Variants in LPP observed in about 807,000 individuals in gnomAD.
LPP encodes LIM domain containing preferred translocation partner in lipoma.
A neutral mutation model predicts 60.4 loss-of-function variants in LPP; 38 were observed. That is an observed-to-expected ratio of 0.63 (90% CI 0.49 to 0.83). The LOEUF (loss-of-function observed/expected upper bound fraction) is 0.83, where lower values mean the gene tolerates loss of function less well. Among genes scored for constraint, LPP ranks in the 40% least tolerant of loss-of-function variants. LPP has a pLI of 0.00. For missense variants in LPP, 902 were observed against 783.6 expected (o/e 1.15, Z -1.80); for synonymous variants, 328 against 290.8 (o/e 1.13, Z -1.30).
intron 2 of LPP, among the ~76,000 whole-genome samples, chr3:188,286,879 A>G (rs996277197): frequency 1.9e-4 from 29 of 152,084 alleles, no homozygotes; most frequent in African/African-American, 7.0e-4. Flanking sequence ...GCACAGGTTT[A>G]TTTTTATTTT....
At chr3:188,289,265 C>T (rs537403587) in intron 2 of LPP, among the ~76,000 whole-genome samples, 239 of 152,242 alleles carry the variant, frequency 1.6e-3, no homozygotes, top group Non-Finnish European at 2.7e-3. Context: ...CTAGCTCAGA[C>T]GTGGCTATGA....
At chr3:188,354,777 G>A (rs1487809627) in intron 3 of LPP, among the ~76,000 whole-genome samples, 1 of 151,936 alleles carries the variant, frequency 6.6e-6, no homozygotes, top group Non-Finnish European at 1.5e-5. Context: ...AGTGAATAAC[G>A]TCCCTGGGAA....
chr3:188,636,389 C>T (rs1293678173), intron 7 of LPP, among the ~76,000 whole-genome samples: 9 of 152,332 alleles, frequency 5.9e-5, no homozygotes, highest in Non-Finnish European at 1.2e-4. Flanking sequence ...TATCCCGCAC[C>T]TTGCTCGGAG....
intron 1 of LPP, among the ~76,000 whole-genome samples, chr3:188,158,389 G>A (rs531557903): frequency 2.0e-5 from 3 of 152,292 alleles, no homozygotes; most frequent in African/African-American, 7.2e-5. Context: ...CTGAGGGCAA[G>A]GGGAAGGGTG....
At chr3:188,371,410 T>C (rs1241272294) in intron 3 of LPP, among the ~76,000 whole-genome samples, 4 of 151,382 alleles carry the variant, frequency 2.6e-5, no homozygotes, top group East Asian at 3.9e-4. Flanking sequence ...GAGGGGAGAT[T>C]TGTTAATTCT....
chr3:188,732,600 C>G (rs921293796), intron 8 of LPP, among the ~76,000 whole-genome samples: 8 of 151,612 alleles, frequency 5.3e-5, no homozygotes, highest in African/African-American at 1.9e-4. Context: ...CACCTGTAAT[C>G]CCAGCTACTT....
In LPP at chr3:188,876,836, G is replaced by A. The variant is rs1221951439; in HGVS notation, c.*2357G>A. Reference sequence around the variant, plus strand: ...CATTTAAATCCTTGTGTAACTGAATGTTTACATGTCAAGAGGAAAAGCTGT... The same window carrying A: ...CATTTAAATCCTTGTGTAACTGAATATTTACATGTCAAGAGGAAAAGCTGT... On this transcript the variant is annotated 3_prime_UTR_variant, in exon 12 of 12. Transcript: ENST00000617246. The A allele has an allele frequency of 5.4e-6, 1 of 183,568 alleles. No homozygotes were observed. Among genetic ancestry groups the A allele is most frequent in the African/African-American group, 2.3e-5 (1 of 42,660 alleles). The allele number at this position is 183,568 out of a possible 1,614,324, so 11.4% of individuals were successfully genotyped here.
intron 8 of LPP, among the ~76,000 whole-genome samples, chr3:188,715,934 G>A (rs6444320): frequency 1.3e-5 from 2 of 152,158 alleles, no homozygotes; most frequent in Non-Finnish European, 2.9e-5. Flanking sequence ...ATATCTGACA[G>A]TAGATTTTTA....
chr3:188,516,592 A>G (rs73890553), intron 5 of LPP, among the ~76,000 whole-genome samples: 3 of 147,512 alleles, frequency 2.0e-5, no homozygotes, highest in African/African-American at 7.8e-5. Context: ...ACCCACCCTT[A>G]CTCCCCCTGC....
chr3:188,185,738 G>A (rs1189067087), intron 1 of LPP, among the ~76,000 whole-genome samples: 9 of 152,150 alleles, frequency 5.9e-5, no homozygotes, highest in African/African-American at 2.4e-5. Flanking sequence ...GAATCCCAAC[G>A]GGCAGCGGCT....
intron 9 of LPP, among the ~76,000 whole-genome samples, chr3:188,800,929 T>A (rs1747055008): frequency 6.6e-6 from 1 of 152,202 alleles, no homozygotes; most frequent in Non-Finnish European, 1.5e-5. Flanking sequence ...GGTAGTTATA[T>A]GAGTTTTAAC....
chr3:188,298,730 G>T (rs908687696), intron 2 of LPP, among the ~76,000 whole-genome samples: 2 of 152,206 alleles, frequency 1.3e-5, no homozygotes, highest in Admixed American at 1.3e-4. Context: ...AAAGGGTGTG[G>T]TCTCAGCTGG....
chr3:188,371,641 A>ATATATATT (rs1553878071), intron 3 of LPP, among the ~76,000 whole-genome samples: 1 of 32,172 alleles, frequency 3.1e-5, no homozygotes, highest in African/African-American at 1.2e-4. Flanking sequence ...ATATATATAT[A>ATATATATT]TTTTTTTTTT....
chr3:188,385,418 G>T (rs1778017816), intron 3 of LPP, among the ~76,000 whole-genome samples: 1 of 152,138 alleles, frequency 6.6e-6, no homozygotes, highest in Non-Finnish European at 1.5e-5. Context: ...GCCCTTGCTG[G>T]TGGTGGATGG....
At chr3:188,567,415 T>C (rs1832440388) in intron 6 of LPP, among the ~76,000 whole-genome samples, 1 of 151,854 alleles carries the variant, frequency 6.6e-6, no homozygotes, top group Admixed American at 6.6e-5. Context: ...TTGAAACACA[T>C]CCTATGATTG....
intron 4 of LPP, among the ~76,000 whole-genome samples, chr3:188,469,996 G>T (rs1038717217): frequency 3.3e-5 from 5 of 151,918 alleles, no homozygotes; most frequent in Non-Finnish European, 7.4e-5. Context: ...TAAATACTTT[G>T]GTCTACACAA....
At chr3:188,659,744 A>G (rs530023421) in intron 7 of LPP, among the ~76,000 whole-genome samples, 3 of 152,084 alleles carry the variant, frequency 2.0e-5, no homozygotes, top group East Asian at 3.9e-4. Flanking sequence ...GTGCATATGA[A>G]TATTTGATTA....
intron 7 of LPP, among the ~76,000 whole-genome samples, chr3:188,649,528 C>A (rs1390771915): frequency 1.3e-5 from 2 of 152,158 alleles, no homozygotes; most frequent in Admixed American, 1.3e-4. Flanking sequence ...CCTTTCCATG[C>A]GGGAAGTGAT....
intron 4 of LPP, among the ~76,000 whole-genome samples, chr3:188,445,300 T>C (rs1794961861): frequency 6.6e-6 from 1 of 152,142 alleles, no homozygotes; most frequent in Non-Finnish European, 1.5e-5. Context: ...CATGGAATAC[T>C]ATGCAGCCAT....
Sources: allele counts gnomAD v4.1 joint callset (sites outside exome capture counted in the v4.1 genomes callset), GRCh38; gene constraint gnomAD v4.1.1; transcripts MANE v1.5; gene names NCBI Gene and HGNC (gene_info 2026-07-23, HGNC 2026-07-21).